The following CACHD1 variants were observed in gnomAD, a reference collection of about 807,000 sequenced individuals.
CACHD1 encodes cache domain containing 1, also known as VWFA and cache domain-containing protein 1.
Under a neutral mutation model 138.7 loss-of-function variants are expected in CACHD1, and 71 were observed. The observed-to-expected ratio is 0.51, with a 90% confidence interval of 0.42 to 0.62. CACHD1 has a LOEUF of 0.62. CACHD1 is among the 20% of genes least tolerant of loss of function. The pLI, the probability that CACHD1 is intolerant of heterozygous loss-of-function variation, is 0.00. For synonymous variants in CACHD1, 578 were observed against 591.5 expected (o/e 0.98, Z 0.33); for missense variants, 1,389 against 1,625.3 (o/e 0.85, Z 2.50).
At chr1:64,653,605 A>G (rs1164285217) in intron 10 of CACHD1, among the ~76,000 whole-genome samples, 153 bp from the exon 11 acceptor site, 1 of 152,174 alleles carries the variant, frequency 6.6e-6, no homozygotes, top group Non-Finnish European at 1.5e-5. Context: ...AAGCACATAT[A>G]AAACAGGTTC....
rs202211614 is a variant in CACHD1, at chr1:64,632,679, C to T, written c.725C>T (p.Thr242Ile). Residue 242 changes from threonine to isoleucine, a missense_variant, in exon 6 of 27, where the codon ACT becomes ATT. Thr to Ile is a moderately conservative substitution (Grantham distance 89, BLOSUM62 -1). Coordinates refer to ENST00000651257, the MANE Select transcript of CACHD1 (RefSeq NM_020925.4). ...ILDHGASVTD[T>I]QLQIAKDAAQ... ...GACCACGGGGCTTCAGTCACAGACA[C>T]TCAGCTTCAGATTGCCAAGGACGCT... 609 of 1,614,176 alleles carry T rather than the reference C, an allele frequency of 3.8e-4. No homozygotes were observed. Among genetic ancestry groups the T allele is most frequent in the Non-Finnish European group, 4.9e-4 (581 of 1,180,004 alleles).
chr1:64,587,763 G>A (rs1160161270), intron 3 of CACHD1, among the ~76,000 whole-genome samples: 1 of 152,156 alleles, frequency 6.6e-6, no homozygotes, highest in African/African-American at 2.4e-5. Context: ...TCCTTTAGGT[G>A]AGGTGCTAGG....
chr1:64,576,697 C>A (rs1349892806), intron 2 of CACHD1, among the ~76,000 whole-genome samples: 1 of 152,100 alleles, frequency 6.6e-6, no homozygotes, highest in Non-Finnish European at 1.5e-5. Flanking sequence ...ACAGTGTTCT[C>A]TTACTATCCT....
chr1:64,510,938 G>A (rs926075279), intron 1 of CACHD1, among the ~76,000 whole-genome samples: 2 of 152,214 alleles, frequency 1.3e-5, no homozygotes, highest in African/African-American at 4.8e-5. Context: ...TAATATGGCT[G>A]TGGGTACATT....
At chr1:64,488,959 G>T (rs1456137455) in intron 1 of CACHD1, among the ~76,000 whole-genome samples, 1 of 152,194 alleles carries the variant, frequency 6.6e-6, no homozygotes, top group African/African-American at 2.4e-5. Context: ...GGATTAGTTA[G>T]TAAGCAAGCT....
At chr1:64,625,935 G>A (rs1445870691) in intron 4 of CACHD1, among the ~76,000 whole-genome samples, 3 of 152,154 alleles carry the variant, frequency 2.0e-5, no homozygotes, top group Non-Finnish European at 4.4e-5. Context: ...GCAGATGCCA[G>A]GTAGATGTTT....
At chr1:64,663,926 C>G in intron 14 of CACHD1, 89 bp downstream of exon 14, 2 of 1,531,830 alleles carry the variant, frequency 1.3e-6, no homozygotes, top group Non-Finnish European at 1.8e-6. Context: ...AGTAGGAAAC[C>G]CAGCTCTGCA....
At position 64,528,183 on chromosome 1, in the gene CACHD1, G is replaced by A. The variant is rs1013517755; in HGVS notation, c.199-22411G>A. Among the ~76,000 whole-genome samples the A allele has an allele frequency of 9.8e-5, 15 of 152,298 alleles. 5 individuals carry two copies. On this transcript the variant is annotated intron_variant, in intron 1 of 26. Transcript: ENST00000651257. ...TATTATTATCTCAACATCCTCATAT[G>A]AGTTAAGTTTGAAGACCTTTTTCTT...
rs1650104867 is a variant in CACHD1 at position 64,679,623 on chromosome 1, T to C, written c.3273T>C (p.Ile1091=). The C allele has an allele frequency of 6.2e-7, 1 of 1,614,218 alleles. No homozygotes were observed. Among genetic ancestry groups the C allele is most frequent in the African/African-American group, 1.3e-5 (1 of 75,050 alleles). The stretch of plus-strand genomic sequence containing the variant: ...ATGAGGTGATCACATTAAACATGAT[T>C]AAAAGCGCCCCTGTGGGTCCTGTGG... ...IGDEVITLNM[I]KSAPVGPVAG... is the part of the protein sequence containing the mutation. Residue 1091 remains isoleucine (I), a synonymous_variant, in exon 24 of 27, where the codon ATT becomes ATC. Transcript: ENST00000651257.
intron 1 of CACHD1, among the ~76,000 whole-genome samples, chr1:64,533,386 C>A (rs527901200): frequency 1.5e-4 from 23 of 152,202 alleles, no homozygotes; most frequent in Admixed American, 3.9e-4. Flanking sequence ...CTTCAGACAC[C>A]GAGCTGTTGT....
chr1:64,554,697 T>A (rs192717657), intron 2 of CACHD1, among the ~76,000 whole-genome samples: 17 of 152,206 alleles, frequency 1.1e-4, no homozygotes, highest in Non-Finnish European at 2.4e-4. Flanking sequence ...TCCAGTTTTT[T>A]AGTTGTTTAT....
intron 1 of CACHD1, among the ~76,000 whole-genome samples, chr1:64,474,375 C>T (rs969260679): frequency 2.6e-5 from 4 of 152,152 alleles, no homozygotes; most frequent in Admixed American, 2.0e-4. Context: ...TAGGTAGAGA[C>T]CTGGATTCCA....
chr1:64,605,113 C>T (rs1414175099), intron 4 of CACHD1, among the ~76,000 whole-genome samples: 1 of 151,464 alleles, frequency 6.6e-6, no homozygotes, highest in African/African-American at 2.4e-5. Context: ...ATTACAGACA[C>T]CCACCACCGA....
chr1:64,680,431 T>C (rs904200836), intron 24 of CACHD1, among the ~76,000 whole-genome samples: 2 of 151,590 alleles, frequency 1.3e-5, no homozygotes, highest in African/African-American at 4.9e-5. Context: ...GAAGCTACAG[T>C]GAGCCAAGAT....
rs138142575 is a variant in CACHD1 at position 64,646,523 on chromosome 1, T to C, written c.1157-1278T>C. Among the ~76,000 whole-genome samples, 1,357 of 151,370 alleles carry C rather than the reference T, an allele frequency of 9.0e-3. 25 individuals carry two copies. Among genetic ancestry groups the C allele is most frequent in the African/African-American group, 0.031 (1,280 of 41,192 alleles). ...TGGGCAGATCACTTGAGGCCAGGAG[T>C]TCGAGGCCAGCCTGGCCAACATGGT... On this transcript the variant is annotated intron_variant, in intron 8 of 26. Transcript: ENST00000651257.
intron 3 of CACHD1, among the ~76,000 whole-genome samples, chr1:64,597,525 T>TG (rs1647164686): frequency 1.5e-4 from 1 of 6,652 alleles, no homozygotes; most frequent in Non-Finnish European, 7.4e-4. Context: ...TTTTTTGTTG[T>TG]TTTTTTTTTT....
Position 64,679,639 on chromosome 1 carries a change from G to T in CACHD1, c.3289G>T (p.Gly1097Cys), listed in dbSNP as rs1650105400. The T allele has an allele frequency of 6.2e-7, 1 of 1,614,032 alleles. No individual in the cohort carries two copies. The highest frequency in any genetic ancestry group is 8.5e-7 in the Non-Finnish European group (1 of 1,180,022). ...AAACATGATTAAAAGCGCCCCTGTG[G>T]GTCCTGTGGCTGGAGGGATCATGGG... is the stretch of plus-strand genomic sequence containing the variant. The part of the protein sequence containing the change: ...TLNMIKSAPV[G>C]PVAGGIMGCI... Residue 1097 changes from glycine to cysteine, a missense_variant, in exon 24 of 27, where the codon GGT (glycine) becomes TGT (cysteine). Physicochemically the swap from Gly to Cys is radical, Grantham distance 159 (BLOSUM62 -3). Around this residue, in one of 5 missense-constraint regions of CACHD1, gnomAD observed 250 missense variants for 292.9 expected, o/e 0.85. Coordinates refer to ENST00000651257, the MANE Select transcript of CACHD1 (RefSeq NM_020925.4).
intron 26 of CACHD1, among the ~76,000 whole-genome samples, chr1:64,685,467 G>A (rs1410085693): frequency 6.6e-6 from 1 of 152,160 alleles, no homozygotes; most frequent in African/African-American, 2.4e-5. Flanking sequence ...ACAGATGGGA[G>A]TTGTTACTTC....
At chr1:64,691,060 AT>A (rs112558165) in intron 26 of CACHD1, among the ~76,000 whole-genome samples, 14,415 of 146,184 alleles carry the variant, frequency 0.099, 692 homozygotes, top group Middle Eastern at 0.14. Flanking sequence ...GTTCTTGTTT[AT>A]TTTTTTTTTC....
Sources: allele counts gnomAD v4.1 joint callset (sites outside exome capture counted in the v4.1 genomes callset), GRCh38; gene constraint gnomAD v4.1.1; regional missense constraint gnomAD v4.1.1; transcripts MANE v1.5; gene names NCBI Gene and HGNC (gene_info 2026-07-23, HGNC 2026-07-21).